Variants in AADACL2 observed in about 807,000 individuals in gnomAD.
AADACL2 encodes the protein arylacetamide deacetylase-like 2.
AADACL2 carries 23 observed loss-of-function variants against 22.3 expected under a neutral mutation model. The ratio of observed to expected loss-of-function variants is 1.03; its 90% confidence interval spans 0.74 to 1.46. The LOEUF (loss-of-function observed/expected upper bound fraction) is 1.46, where lower values mean the gene tolerates loss of function less well. Among genes scored for constraint, AADACL2 ranks in the 40% most tolerant of loss-of-function variants. The pLI is 0.00. For missense variants in AADACL2, 472 were observed against 482.9 expected (o/e 0.98, Z 0.21); for synonymous variants, 177 against 166.2 (o/e 1.07, Z -0.50).
In AADACL2 at chr3:151,757,246, T is replaced by G; in HGVS notation, c.858T>G (p.Leu286=). 1.2e-6 allele frequency: 2 copies of G among 1,613,764 alleles called. No individual in the cohort carries two copies. Among genetic ancestry groups the G allele is most frequent in the South Asian group, 2.2e-5 (2 of 91,054 alleles). The change falls in exon 5 of 5, where the codon CTT becomes CTG. Residue 286 remains leucine (L), a synonymous_variant. Coordinates refer to ENST00000356517, the MANE Select transcript of AADACL2 (RefSeq NM_207365.4). ...HLFKFVNWSI[L]LPEKYRKDYV... is the part of the protein sequence containing the mutation. ...TTAAGTTTGTTAACTGGAGTATTCT[T>G]CTTCCTGAGAAGTATAGAAAAGACT...
intron 1 of AADACL2, among the ~76,000 whole-genome samples, chr3:151,740,443 C>T (rs1159060616): frequency 1.3e-5 from 2 of 152,178 alleles, no homozygotes; most frequent in South Asian, 2.1e-4. Flanking sequence ...ATTCGGCCAG[C>T]TTGCCAGATA....
intron 4 of AADACL2, among the ~76,000 whole-genome samples, chr3:151,756,621 C>A (rs909683236): frequency 2.0e-5 from 3 of 151,836 alleles, no homozygotes; most frequent in Non-Finnish European, 2.9e-5. Context: ...TTTTACAAAA[C>A]TATATGTACT....
chr3:151,741,167 T>A (rs1458995362), intron 2 of AADACL2, among the ~76,000 whole-genome samples: 5 of 152,164 alleles, frequency 3.3e-5, no homozygotes, highest in Non-Finnish European at 7.4e-5. Context: ...TTATTAAACT[T>A]TTTTCTTGGG....
intron 1 of AADACL2, among the ~76,000 whole-genome samples, chr3:151,739,000 A>G (rs1325028872): frequency 1.3e-5 from 2 of 152,202 alleles, no homozygotes; most frequent in African/African-American, 2.4e-5. Flanking sequence ...ACTTCTGTCA[A>G]TTCGTCAATC....
intron 1 of AADACL2, among the ~76,000 whole-genome samples, chr3:151,740,268 T>C (rs1266573308): frequency 6.6e-6 from 1 of 152,206 alleles, no homozygotes; most frequent in African/African-American, 2.4e-5. Flanking sequence ...CTCCTTGCAC[T>C]TCCTGGGTGA....
At chr3:151,754,231 G>T (rs1713789121) in intron 4 of AADACL2, among the ~76,000 whole-genome samples, 1 of 152,072 alleles carries the variant, frequency 6.6e-6, no homozygotes, top group Non-Finnish European at 1.5e-5. Flanking sequence ...AATCGTGCTG[G>T]TCCACATGTT....
chr3:151,736,678 T>C (rs919024656), intron 1 of AADACL2, among the ~76,000 whole-genome samples: 7 of 152,196 alleles, frequency 4.6e-5, no homozygotes, highest in Admixed American at 4.6e-4. Flanking sequence ...GGTTGTATAG[T>C]ATTTCATGGC....
intron 2 of AADACL2, among the ~76,000 whole-genome samples, chr3:151,742,331 A>AT (rs1252576782): frequency 2.0e-5 from 3 of 152,176 alleles, no homozygotes; most frequent in African/African-American, 7.2e-5. Flanking sequence ...TACAGACACT[A>AT]TAACAATAAA....
In AADACL2 at chr3:151,745,551, A is replaced by G. The variant is rs1713412212; in HGVS notation, c.474A>G (p.Glu158=). 1 of 1,613,852 alleles carries G rather than the reference A, an allele frequency of 6.2e-7. No individual in the cohort carries two copies. Among genetic ancestry groups the G allele is most frequent in the African/African-American group, 1.3e-5 (1 of 74,912 alleles). ...AACACCACTTTCCTGCTCAGTTTGA[A>G]GATGGCCTTGCTGCAGTCAAATTTT... is the stretch of plus-strand genomic sequence containing the variant. ...APQHHFPAQF[E]DGLAAVKFFL... is the part of the protein sequence containing the mutation. Residue 158 remains glutamate (E), a synonymous_variant, in exon 4 of 5, where the codon GAA becomes GAG. Transcript: ENST00000356517.
At chr3:151,747,043 A>G (rs1713474932) in intron 4 of AADACL2, among the ~76,000 whole-genome samples, 1 of 152,006 alleles carries the variant, frequency 6.6e-6, no homozygotes, top group South Asian at 2.1e-4. Context: ...CTCATTAAAT[A>G]ATTTGGGAAG....
chr3:151,761,303 TA>T lies in AADACL2; in HGVS notation c.*3712del, dbSNP rs983546835. The T allele has an allele frequency of 1.1e-4, 16 of 148,862 alleles. No homozygotes were observed. Among genetic ancestry groups the T allele is most frequent in the African/African-American group, 3.8e-4 (15 of 39,646 alleles). 9.2% of individuals were successfully genotyped at this position (148,862 alleles called of 1,614,324 possible). On this transcript the variant is annotated 3_prime_UTR_variant, in exon 5 of 5. Coordinates refer to ENST00000356517, the MANE Select transcript of AADACL2 (RefSeq NM_207365.4). ...ATCATATGTTCCAATTTCTTAAAAG[TA>T]AATAAAGGCCTTGTGCCATTGGTGG...
At chr3:151,734,322 GTAAATAAAACTCCCTATA>G in intron 1 of AADACL2, 149 bp downstream of exon 1, 1 of 948,556 alleles carries the variant, frequency 1.1e-6, no homozygotes, top group Admixed American at 3.0e-5. Flanking sequence ...ACAACATTAA[GTAAATAAAACTCCCTATA>G]TCTGTGAGTA....
intron 4 of AADACL2, among the ~76,000 whole-genome samples, chr3:151,754,290 C>T (rs1031888588): frequency 2.6e-5 from 4 of 152,050 alleles, no homozygotes; most frequent in Admixed American, 1.3e-4. Flanking sequence ...GAACTGGGTC[C>T]CAAATTTTGC....
chr3:151,757,124 G>GC lies in AADACL2; in HGVS notation c.738dup (p.Ile247HisfsTer12). 6 of 1,613,200 alleles carry GC rather than the reference G, an allele frequency of 3.7e-6. No individual in the cohort carries two copies. Among genetic ancestry groups the GC allele is most frequent in the Non-Finnish European group, 5.1e-6 (6 of 1,179,602 alleles). ...TGGTATAGTTTTGACCAGGGATGTA[G>GC]CCATAAAACTCGTGAGCTTATATTT... is the stretch of plus-strand genomic sequence containing the variant. On this transcript the variant is annotated frameshift_variant, in exon 5 of 5. Coordinates refer to ENST00000356517, the MANE Select transcript of AADACL2 (RefSeq NM_207365.4). LOFTEE classifies it low-confidence loss of function (END_TRUNC).
chr3:151,757,742 T>G lies in AADACL2; in HGVS notation c.*148T>G, dbSNP rs770018563. Reference sequence around the variant, plus strand: ...TTAATGTGTGTCCTTGAAGAGTTATTAAATTTTCTGACTTGCAGACCCTGA... The same window carrying G: ...TTAATGTGTGTCCTTGAAGAGTTATGAAATTTTCTGACTTGCAGACCCTGA... On this transcript the variant is annotated 3_prime_UTR_variant, in exon 5 of 5. Transcript: ENST00000356517. 21 of 1,009,032 alleles carry G rather than the reference T, an allele frequency of 2.1e-5. No individual in the cohort carries two copies. The highest frequency in any genetic ancestry group is 2.8e-5 in the Non-Finnish European group (20 of 721,252). 62.5% of individuals were successfully genotyped at this position (1,009,032 alleles called of 1,614,324 possible).
chr3:151,745,387 A>C, intron 3 of AADACL2, 122 bp from the exon 4 acceptor site: 1 of 993,668 alleles, frequency 1.0e-6, no homozygotes, highest in South Asian at 1.6e-5. Flanking sequence ...GTTAGTAGAA[A>C]ACTTAGGCTT....
chr3:151,750,288 C>G (rs538079744), intron 4 of AADACL2, among the ~76,000 whole-genome samples: 2 of 152,282 alleles, frequency 1.3e-5, no homozygotes, highest in South Asian at 4.2e-4. Context: ...GCCAGAATAT[C>G]TTTGCCTTTC....
At chr3:151,744,015 T>C in intron 2 of AADACL2, 78 bp from the exon 3 acceptor site, 2 of 1,455,860 alleles carry the variant, frequency 1.4e-6, no homozygotes, top group South Asian at 2.3e-5. Context: ...CCACAGTTAT[T>C]TCCACATTCA....
chr3:151,753,448 T>C (rs1428223899), intron 4 of AADACL2, among the ~76,000 whole-genome samples: 5 of 152,156 alleles, frequency 3.3e-5, no homozygotes, highest in African/African-American at 1.2e-4. Context: ...CCAGCATGGT[T>C]GGAACATGCG....
Sources: gnomAD v4.1 joint callset for allele counts (sites outside exome capture counted in the v4.1 genomes callset) on GRCh38, gnomAD v4.1.1 for gene constraint, MANE v1.5 for transcripts, NCBI Gene and HGNC (gene_info 2026-07-23, HGNC 2026-07-21) for gene names.